PCDH15: variants seen among roughly 807,000 people sequenced by gnomAD.
PCDH15 encodes the protein protocadherin-15.
In PCDH15, 129 loss-of-function variants were observed where a neutral mutation model predicts 178.5. That is an observed-to-expected ratio of 0.72 (90% CI 0.63 to 0.84). The LOEUF is 0.84. Among genes scored for constraint, PCDH15 ranks in the 40% least tolerant of loss-of-function variants. The probability of loss-of-function intolerance (pLI) is 0.00; values close to 1 mark genes in which losing one functional copy is unlikely to be tolerated. For missense variants in PCDH15, 2,230 were observed against 2,099.9 expected (o/e 1.06, Z -1.21); for synonymous variants, 800 against 732.0 (o/e 1.09, Z -1.50).
At chr10:54,630,483 C>G (rs2093671329) in intron 2 of PCDH15, among the ~76,000 whole-genome samples, 1 of 152,146 alleles carries the variant, frequency 6.6e-6, no homozygotes, top group South Asian at 2.1e-4. Context: ...AAACTGCACC[C>G]TTGCCTTTCA....
At chr10:55,226,183 C>A (rs1841032907) in intron 1 of PCDH15, among the ~76,000 whole-genome samples, 1 of 151,878 alleles carries the variant, frequency 6.6e-6, no homozygotes, top group Admixed American at 6.6e-5. Flanking sequence ...GAACTGGCAG[C>A]CAATAAATAG....
At chr10:55,058,030 T>C (rs551794941) in intron 2 of PCDH15, among the ~76,000 whole-genome samples, 1 of 152,250 alleles carries the variant, frequency 6.6e-6, no homozygotes, top group South Asian at 2.1e-4. Context: ...TTTTAATCGT[T>C]TGCATTCTGT....
At chr10:55,322,805 G>GGT (rs36069202), upstream of PCDH15, among the ~76,000 whole-genome samples, 1 of 99,938 alleles carries the variant, frequency 1.0e-5, no homozygotes. Context: ...AAAAAAAAAT[G>GGT]GGGGGGGAGA....
chr10:55,538,944 TC>T (rs1486205166), intron 2 of PCDH15, among the ~76,000 whole-genome samples: 3 of 61,454 alleles, frequency 4.9e-5, no homozygotes, highest in African/African-American at 7.5e-5. Flanking sequence ...CCTTCCTTCC[TC>T]CCTTCCTTCC....
At chr10:55,052,812 A>G (rs776573125) in intron 2 of PCDH15, among the ~76,000 whole-genome samples, 6 of 152,176 alleles carry the variant, frequency 3.9e-5, no homozygotes, top group Non-Finnish European at 7.3e-5. Context: ...TGATATTTGG[A>G]CTATTTAATT....
intron 14 of PCDH15, among the ~76,000 whole-genome samples, chr10:54,152,846 GAAGAA>G (rs901983394): frequency 2.6e-5 from 4 of 151,896 alleles, no homozygotes; most frequent in Admixed American, 1.3e-4. Flanking sequence ...TAATTTCTTT[GAAGAA>G]AAGAGCCTTT....
intron 2 of PCDH15, among the ~76,000 whole-genome samples, chr10:55,573,450 C>T (rs770308161): frequency 4.6e-5 from 7 of 152,084 alleles, no homozygotes; most frequent in Middle Eastern, 3.4e-3. Flanking sequence ...GTAGTTTAAA[C>T]GGAAGTTTGA....
chr10:54,958,479 G>A (rs2131881517), intron 2 of PCDH15, among the ~76,000 whole-genome samples: 1 of 151,856 alleles, frequency 6.6e-6, no homozygotes, highest in Admixed American at 6.6e-5. Context: ...AATAATGAAA[G>A]AGAACTGTTA....
chr10:54,973,016 A>T (rs930909616), intron 2 of PCDH15, among the ~76,000 whole-genome samples: 4 of 151,832 alleles, frequency 2.6e-5, no homozygotes, highest in African/African-American at 9.7e-5. Flanking sequence ...AATTATTAAA[A>T]TTATAATGAT....
At chr10:55,328,459 T>C (rs902267347) in intron 2 of PCDH15, among the ~76,000 whole-genome samples, 2 of 151,814 alleles carry the variant, frequency 1.3e-5, no homozygotes, top group African/African-American at 4.8e-5. Flanking sequence ...AACACAATGG[T>C]ATTTGTTTAT....
intron 27 of PCDH15, among the ~76,000 whole-genome samples, chr10:53,863,359 G>A (rs993872964): frequency 6.6e-6 from 1 of 152,158 alleles, no homozygotes; most frequent in African/African-American, 2.4e-5. Context: ...TAGGACAAGG[G>A]AGTATGGTGG....
intron 1 of PCDH15, among the ~76,000 whole-genome samples, chr10:54,722,985 A>G (rs1309385468): frequency 6.6e-6 from 1 of 151,730 alleles, no homozygotes; most frequent in Non-Finnish European, 1.5e-5. Flanking sequence ...CAATCTACAG[A>G]TTCAATGCAA....
chr10:55,470,772 A>G (rs980803909), intron 2 of PCDH15, among the ~76,000 whole-genome samples: 8 of 152,044 alleles, frequency 5.3e-5, no homozygotes, highest in African/African-American at 1.9e-4. Context: ...TATCATACAA[A>G]GTTGTTTTCA....
chr10:53,886,011 A>G (rs2081068256), intron 26 of PCDH15, among the ~76,000 whole-genome samples: 1 of 152,166 alleles, frequency 6.6e-6, no homozygotes, highest in Admixed American at 6.5e-5. Flanking sequence ...TGTGTTCAAT[A>G]AAACTGTGTT....
At chr10:55,463,398 G>T (rs192112241) in intron 2 of PCDH15, among the ~76,000 whole-genome samples, 16 of 152,136 alleles carry the variant, frequency 1.1e-4, no homozygotes, top group African/African-American at 3.1e-4. Context: ...TGTAATCCTG[G>T]CATTTTGAAG....
chr10:54,608,349 A>G (rs1234922654), intron 2 of PCDH15, among the ~76,000 whole-genome samples: 2 of 151,998 alleles, frequency 1.3e-5, no homozygotes, highest in East Asian at 1.9e-4. Context: ...GGGTACACCT[A>G]TAGTCCAGCC....
intron 2 of PCDH15, among the ~76,000 whole-genome samples, chr10:55,021,175 T>A (rs985133503): frequency 3.3e-5 from 5 of 152,186 alleles, no homozygotes; most frequent in Admixed American, 2.0e-4. Context: ...AATTTCAACA[T>A]TCTTTATATC....
chr10:54,378,721 A>G, intron 4 of PCDH15, 61 bp downstream of exon 4: 1 of 1,529,734 alleles, frequency 6.5e-7, no homozygotes, highest in East Asian at 2.3e-5. Context: ...ATAAACACAC[A>G]CATAGACATT....
chr10:54,926,051 C>T lies in PCDH15; in HGVS notation c.-79-28551G>A, dbSNP rs1051435296. Among the ~76,000 whole-genome samples the T allele has an allele frequency of 4.6e-5, 7 of 152,110 alleles. 1 individual carries two copies. Among genetic ancestry groups the T allele is most frequent in the Admixed American group, 3.3e-4 (5 of 15,264 alleles). ...AGTTTTCAAAGAGAATGCTTTCAGT[C>T]TTTGCCTATTCAGTATGATGTTGGC... On this transcript the variant is annotated intron_variant, in intron 2 of 5. Coordinates refer to the PCDH15 transcript ENST00000458638.
Sources: gnomAD v4.1 joint callset for allele counts (sites outside exome capture counted in the v4.1 genomes callset) on GRCh38, gnomAD v4.1.1 for gene constraint, MANE v1.5 for transcripts, NCBI Gene and HGNC (gene_info 2026-07-23, HGNC 2026-07-21) for gene names.